Variants in PAK6 observed in about 807,000 individuals in gnomAD.
The protein encoded by PAK6 is serine/threonine-protein kinase PAK 6.
A neutral mutation model predicts 60.8 loss-of-function variants in PAK6; 33 were observed. The ratio of observed to expected loss-of-function variants is 0.54; its 90% CI spans 0.41 to 0.73. The LOEUF (loss-of-function observed/expected upper bound fraction) is 0.73. Among genes scored for constraint, PAK6 ranks in the 30% least tolerant of loss-of-function variants. PAK6 has a pLI of 0.00. For synonymous variants in PAK6, 404 were observed against 378.5 expected (o/e 1.07, Z -0.78); for missense variants, 845 against 904.1 (o/e 0.93, Z 0.84).
intron 5 of PAK6, among the ~76,000 whole-genome samples, chr15:40,269,039 G>A (rs1306457263): frequency 1.3e-5 from 2 of 152,204 alleles, no homozygotes; most frequent in Non-Finnish European, 2.9e-5. Context: ...TAGTATTTGA[G>A]ATGGCGTCTC....
At chr15:40,254,540 G>C (rs2038784112) in intron 3 of PAK6, among the ~76,000 whole-genome samples, 1 of 152,302 alleles carries the variant, frequency 6.6e-6, no homozygotes, top group East Asian at 1.9e-4. Context: ...ATGTTCATGT[G>C]TTCATGGGTG....
exon 4 of PAK6, chr15:40,264,858 T>C: frequency 1.9e-6 from 3 of 1,613,996 alleles, no homozygotes; most frequent in Non-Finnish European, 2.5e-6. Flanking sequence ...TGTCCACACC[T>C]CCTTCGACCC....
intron 4 of PAK6, 91 bp downstream of exon 4, chr15:40,265,080 C>T (rs1252699407): frequency 1.6e-5 from 17 of 1,087,432 alleles, no homozygotes; most frequent in Non-Finnish European, 2.2e-5. Context: ...CTGGAGGAAC[C>T]ACCTACTTCA....
intron 7 of PAK6, 85 bp from the exon 8 acceptor site, chr15:40,273,261 C>T: frequency 2.0e-6 from 3 of 1,495,842 alleles, no homozygotes; most frequent in Non-Finnish European, 2.7e-6. Context: ...GGCCTAGCAC[C>T]AGGGACTCCT....
At chr15:40,252,108 G>A (rs1196912690) in intron 2 of PAK6, 2 of 372,466 alleles carry the variant, frequency 5.4e-6, no homozygotes, top group Non-Finnish European at 9.5e-6. Context: ...ACAGTCTTGG[G>A]GCCCTGTCCA....
At chr15:40,275,280 G>GTTTTTTTTTGTTTTGTTT (rs2039418937) in intron 10 of PAK6, among the ~76,000 whole-genome samples, 2 of 56,486 alleles carry the variant, frequency 3.5e-5, no homozygotes, top group Non-Finnish European at 6.2e-5. Context: ...GTTGTTGTTG[G>GTTTTTTTTTGTTTTGTTT]TTTTTTTTTT....
chr15:40,249,209 C>T (rs1301427601), intron 2 of PAK6, among the ~76,000 whole-genome samples: 2 of 152,162 alleles, frequency 1.3e-5, no homozygotes, highest in East Asian at 1.9e-4. Context: ...GCTCTGCTTT[C>T]GTGACTTAAT....
chr15:40,255,694 C>T (rs776685131), intron 3 of PAK6, among the ~76,000 whole-genome samples: 3 of 152,150 alleles, frequency 2.0e-5, no homozygotes, highest in Non-Finnish European at 4.4e-5. Flanking sequence ...AGACTCGGAC[C>T]CCAGTAGAGG....
At chr15:40,266,345 A>G (rs2039135388) in exon 5 of PAK6, 1 of 1,612,534 alleles carries the variant, frequency 6.2e-7, no homozygotes, top group Non-Finnish European at 8.5e-7. Context: ...TGGTGGGCTC[A>G]GCCACAGGCA....
intron 2 of PAK6, chr15:40,250,600 A>G (rs1039124158): frequency 2.0e-5 from 3 of 152,174 alleles, no homozygotes; most frequent in African/African-American, 7.2e-5. Context: ...TGAGGATGGG[A>G]CTTGGCTAGT....
chr15:40,250,096 A>G (rs1371628162), intron 2 of PAK6, among the ~76,000 whole-genome samples: 1 of 152,238 alleles, frequency 6.6e-6, no homozygotes, highest in Non-Finnish European at 1.5e-5. Flanking sequence ...TGGATGCTGC[A>G]GGAGACACTG....
intron 3 of PAK6, among the ~76,000 whole-genome samples, chr15:40,253,767 C>T (rs1402899650): frequency 1.3e-5 from 2 of 152,224 alleles, no homozygotes; most frequent in Non-Finnish European, 2.9e-5. Flanking sequence ...CCCAGATCTC[C>T]AGACCTGCTC....
At chr15:40,252,707 G>T in intron 2 of PAK6, 1 of 1,305,202 alleles carries the variant, frequency 7.7e-7, no homozygotes. Context: ...TTCCCCGGCT[G>T]CCCCGGAGGT....
chr15:40,252,518 G>GCGT, intron 2 of PAK6: 1 of 1,363,270 alleles, frequency 7.3e-7, no homozygotes, highest in Non-Finnish European at 9.8e-7. Flanking sequence ...GTTCGCCGCC[G>GCGT]CGTCCTACCT....
At chr15:40,275,280 G>GTTTTCTTTTT (rs1448905930) in intron 10 of PAK6, among the ~76,000 whole-genome samples, 2,736 of 56,438 alleles carry the variant, frequency 0.048, 185 homozygotes, top group Admixed American at 0.065. Context: ...GTTGTTGTTG[G>GTTTTCTTTTT]TTTTTTTTTT....
chr15:40,256,561 G>A (rs944672358), intron 3 of PAK6, among the ~76,000 whole-genome samples: 1 of 152,176 alleles, frequency 6.6e-6, no homozygotes, highest in African/African-American at 2.4e-5. Flanking sequence ...TCTGTCTTGG[G>A]GCTGTGATTC....
At chr15:40,268,180 C>T (rs2039199213) in intron 5 of PAK6, among the ~76,000 whole-genome samples, 1 of 152,168 alleles carries the variant, frequency 6.6e-6, no homozygotes, top group Admixed American at 6.5e-5. Context: ...TTCTGGGCAA[C>T]TCAGACACAT....
chr15:40,264,583 C>T (rs1238382121), intron 3 of PAK6, 198 bp from the exon 4 acceptor site: 4 of 631,742 alleles, frequency 6.3e-6, no homozygotes, highest in South Asian at 3.5e-5. Context: ...ATTTATGGCA[C>T]GTTTGTTGTT....
At chr15:40,254,860 G>T (rs2038792170) in intron 3 of PAK6, among the ~76,000 whole-genome samples, 1 of 152,164 alleles carries the variant, frequency 6.6e-6, no homozygotes. Context: ...CTATCCATGT[G>T]GTGGGCACTT....
Sources: allele counts gnomAD v4.1 joint callset (sites outside exome capture counted in the v4.1 genomes callset), GRCh38; gene constraint gnomAD v4.1.1; transcripts MANE v1.5; gene names NCBI Gene and HGNC (gene_info 2026-07-23, HGNC 2026-07-21).